The following MACROD2 variants were observed in gnomAD, a reference collection of about 807,000 sequenced individuals.
MACROD2 encodes the protein ADP-ribose glycohydrolase MACROD2.
A neutral mutation model predicts 70.4 loss-of-function variants in MACROD2; 36 were observed. The observed-to-expected ratio is 0.51, with a 90% CI of 0.39 to 0.68. MACROD2 has a LOEUF of 0.68. MACROD2 is among the 30% of genes least tolerant of loss of function. The pLI, the probability that MACROD2 is intolerant of heterozygous loss-of-function variation, is 0.00. For missense variants in MACROD2, 496 were observed against 538.4 expected (o/e 0.92, Z 0.78); for synonymous variants, 172 against 178.8 (o/e 0.96, Z 0.30).
At chr20:15,651,633 G>C (rs2049644743) in intron 8 of MACROD2, among the ~76,000 whole-genome samples, 1 of 152,104 alleles carries the variant, frequency 6.6e-6, no homozygotes, top group African/African-American at 2.4e-5. Flanking sequence ...TGGTGTATCA[G>C]TGACTCCGCT....
chr20:15,377,830 T>C (rs974103074), intron 6 of MACROD2, among the ~76,000 whole-genome samples: 26 of 152,254 alleles, frequency 1.7e-4, no homozygotes, highest in Non-Finnish European at 4.4e-5. Context: ...TCACTGATGA[T>C]GACAACGAGA....
At chr20:15,238,052 C>T (rs2077029750) in intron 6 of MACROD2, among the ~76,000 whole-genome samples, 1 of 152,126 alleles carries the variant, frequency 6.6e-6, no homozygotes, top group South Asian at 2.1e-4. Context: ...GTCATTTCTG[C>T]ATAGCAAGGG....
chr20:14,207,413 C>G (rs1456876915), intron 3 of MACROD2, among the ~76,000 whole-genome samples: 1 of 152,102 alleles, frequency 6.6e-6, no homozygotes, highest in Non-Finnish European at 1.5e-5. Context: ...AATGACACTT[C>G]TTGACTGACG....
chr20:15,647,006 T>C (rs1205778866), intron 8 of MACROD2, among the ~76,000 whole-genome samples: 1 of 152,244 alleles, frequency 6.6e-6, no homozygotes, highest in East Asian at 1.9e-4. Flanking sequence ...CACCTGACCA[T>C]ATTGCATCTC....
intron 6 of MACROD2, among the ~76,000 whole-genome samples, chr20:15,340,762 C>G (rs922557761): frequency 1.3e-5 from 2 of 149,296 alleles, no homozygotes; most frequent in Non-Finnish European, 3.0e-5. Flanking sequence ...CACTCCACCC[C>G]GCAAACACAC....
intron 6 of MACROD2, among the ~76,000 whole-genome samples, chr20:15,268,508 G>A (rs2077316936): frequency 6.6e-6 from 1 of 152,160 alleles, no homozygotes. Context: ...TTAAAAATTA[G>A]CCAGGTGTGG....
chr20:14,509,522 G>A (rs1600319140), intron 4 of MACROD2, among the ~76,000 whole-genome samples: 1 of 151,982 alleles, frequency 6.6e-6, no homozygotes, highest in African/African-American at 2.4e-5. Flanking sequence ...TGTATGTTAT[G>A]TAGTGATTAA....
chr20:14,898,098 C>G (rs971170362), intron 5 of MACROD2, among the ~76,000 whole-genome samples: 1 of 152,044 alleles, frequency 6.6e-6, no homozygotes, highest in Admixed American at 6.6e-5. Flanking sequence ...TTATAAAAAT[C>G]TTCAATGTTT....
intron 9 of MACROD2, among the ~76,000 whole-genome samples, chr20:15,867,256 A>G (rs2064506251): frequency 2.0e-5 from 3 of 152,228 alleles, no homozygotes; most frequent in South Asian, 4.1e-4. Context: ...ATATTCTAAG[A>G]TATGAGGGTT....
intron 10 of MACROD2, among the ~76,000 whole-genome samples, chr20:15,909,831 A>G (rs865955722): frequency 6.6e-6 from 1 of 152,114 alleles, no homozygotes; most frequent in African/African-American, 2.4e-5. Flanking sequence ...CCGTAATACA[A>G]TTTTTGAGAC....
rs140148743 is a variant in MACROD2, at chr20:15,993,793, A to G, written c.1153+6635A>G. ...ACAACATATCCTTTCCTTCTATCAG[A>G]CAAAATTCGTTTTCACTGATATGAA... On this transcript the variant is annotated intron_variant, in intron 15 of 17. Coordinates refer to ENST00000684519, the MANE Select transcript of MACROD2 (RefSeq NM_001351661.2). Among the ~76,000 whole-genome samples, 62 of 152,338 alleles carry G rather than the reference A, an allele frequency of 4.1e-4. 1 individual carries two copies. The highest frequency in any genetic ancestry group is 3.6e-3 in the Admixed American group (55 of 15,296).
At chr20:14,877,360 T>C (rs985251668) in intron 5 of MACROD2, among the ~76,000 whole-genome samples, 7 of 152,052 alleles carry the variant, frequency 4.6e-5, no homozygotes, top group Non-Finnish European at 8.8e-5. Flanking sequence ...TTTGGTGGTG[T>C]TTTTAGTGTT....
At chr20:14,269,226 C>T (rs1466921671) in intron 3 of MACROD2, among the ~76,000 whole-genome samples, 1 of 152,032 alleles carries the variant, frequency 6.6e-6, no homozygotes, top group African/African-American at 2.4e-5. Flanking sequence ...CAGAACTAGC[C>T]AAATAAAGCA....
At chr20:15,273,743 C>CAT (rs1661821846) in intron 6 of MACROD2, among the ~76,000 whole-genome samples, 1 of 152,120 alleles carries the variant, frequency 6.6e-6, no homozygotes, top group African/African-American at 2.4e-5. Flanking sequence ...GCTTTCAGGA[C>CAT]ATAGTGTATG....
chr20:14,499,073 A>G (rs1405656240), intron 4 of MACROD2, among the ~76,000 whole-genome samples: 1 of 152,138 alleles, frequency 6.6e-6, no homozygotes, highest in Non-Finnish European at 1.5e-5. Flanking sequence ...TGTGCTCAGC[A>G]GGGGAGGGGC....
intron 6 of MACROD2, among the ~76,000 whole-genome samples, chr20:15,384,057 T>C (rs959124157): frequency 6.6e-6 from 1 of 152,196 alleles, no homozygotes; most frequent in African/African-American, 2.4e-5. Flanking sequence ...ATAAATTTCA[T>C]GCTTTTAGTC....
intron 8 of MACROD2, among the ~76,000 whole-genome samples, chr20:15,673,615 T>A (rs2146841614): frequency 6.6e-6 from 1 of 152,188 alleles, no homozygotes; most frequent in East Asian, 1.9e-4. Flanking sequence ...GAATATCACA[T>A]GTAAAGGGGA....
At chr20:15,662,232 A>G (rs141312594) in intron 8 of MACROD2, among the ~76,000 whole-genome samples, 119 of 152,332 alleles carry the variant, frequency 7.8e-4, no homozygotes, top group African/African-American at 2.7e-3. Context: ...TACCAATACT[A>G]AAATGCCCTT....
rs181810409 is a variant in MACROD2 at position 15,519,489 on chromosome 20, T to A, written c.645+19642T>A. Among the ~76,000 whole-genome samples, 4 of 152,272 alleles carry A rather than the reference T, an allele frequency of 2.6e-5. No individual in the cohort carries two copies. The East Asian group carries it at 7.7e-4, about 29-fold the overall frequency. On this transcript the variant is annotated intron_variant, in intron 8 of 17. Transcript: ENST00000684519. ...TAGTCTTGTTTGAAATACACTGCCA[T>A]TTTTTAATGAGTGTGAGAATTTCTG...
Sources: allele counts gnomAD v4.1 joint callset (sites outside exome capture counted in the v4.1 genomes callset), GRCh38; gene constraint gnomAD v4.1.1; transcripts MANE v1.5; gene names NCBI Gene and HGNC (gene_info 2026-07-23, HGNC 2026-07-21).